Variants in CACNA1E observed in about 807,000 individuals in gnomAD.
The protein encoded by CACNA1E is voltage-dependent R-type calcium channel subunit alpha-1E.
A neutral mutation model predicts 259.2 loss-of-function variants in CACNA1E; 40 were observed. That is an observed-to-expected ratio of 0.15 (90% CI 0.12 to 0.20). The LOEUF (loss-of-function observed/expected upper bound fraction) is 0.20, where lower values mean the gene tolerates loss of function less well. Ranked by LOEUF, CACNA1E falls within the 10% of genes least tolerant of loss-of-function variation. The pLI is 1.00. For missense variants in CACNA1E, 1,874 were observed against 3,040.1 expected (o/e 0.62, Z 9.02); for synonymous variants, 1,104 against 1,138.5 (o/e 0.97, Z 0.61).
intron 27 of CACNA1E, among the ~76,000 whole-genome samples, chr1:181,754,089 C>T (rs1415551741): frequency 3.3e-5 from 5 of 152,226 alleles, no homozygotes; most frequent in African/African-American, 9.6e-5. Flanking sequence ...CGTGGCCAGG[C>T]TGCCTTGGGC....
At chr1:181,400,093 G>A (rs946353853) in intron 1 of CACNA1E, among the ~76,000 whole-genome samples, 2 of 152,164 alleles carry the variant, frequency 1.3e-5, no homozygotes, top group Non-Finnish European at 2.9e-5. Context: ...CTATATCTCA[G>A]TGTTCCCCCC....
At chr1:181,395,926 A>G (rs550234869) in intron 1 of CACNA1E, among the ~76,000 whole-genome samples, 13 of 152,378 alleles carry the variant, frequency 8.5e-5, no homozygotes, top group East Asian at 7.7e-4. Context: ...AGCTTAAAAC[A>G]ACAAAAATGT....
chr1:181,627,973 C>T (rs1656355231), intron 6 of CACNA1E, among the ~76,000 whole-genome samples: 1 of 152,006 alleles, frequency 6.6e-6, no homozygotes, highest in Non-Finnish European at 1.5e-5. Flanking sequence ...TTCTTTAATG[C>T]TGTAAGCTAG....
intron 1 of CACNA1E, among the ~76,000 whole-genome samples, chr1:181,354,321 C>T (rs756716563): frequency 4.6e-5 from 7 of 152,142 alleles, no homozygotes; most frequent in African/African-American, 7.2e-5. Context: ...GTAAAATCTA[C>T]AGCATGTTAG....
chr1:181,459,702 G>A (rs1661681424), intron 2 of CACNA1E, among the ~76,000 whole-genome samples: 1 of 152,176 alleles, frequency 6.6e-6, no homozygotes, highest in African/African-American at 2.4e-5. Context: ...TGCAGTGACT[G>A]ACCAACTCCA....
At chr1:181,782,827 T>C (rs905263542) in intron 39 of CACNA1E, among the ~76,000 whole-genome samples, 2 of 152,216 alleles carry the variant, frequency 1.3e-5, no homozygotes, top group African/African-American at 2.4e-5. Flanking sequence ...GGTGGTAGAA[T>C]GTGGCCTTGA....
At chr1:181,534,218 C>G (rs979151502) in intron 3 of CACNA1E, among the ~76,000 whole-genome samples, 3 of 152,024 alleles carry the variant, frequency 2.0e-5, no homozygotes, top group Non-Finnish European at 4.4e-5. Context: ...GATTGTTAAA[C>G]TAATGTCAAT....
rs1659574805 is a variant in CACNA1E, at chr1:181,772,161, A to G, written c.5069A>G (p.Glu1690Gly). Reference protein sequence around the residue: ...PDTTAPSGQNENERCGTDLAY... With the variant: ...PDTTAPSGQNGNERCGTDLAY... ...ACCACCGCACCATCAGGGCAGAACG[A>G]GAACGAACGCTGCGGCACCGATCTG... The change falls in exon 37 of 48, where the codon GAG becomes GGG. Residue 1690 changes from glutamate to glycine, a missense_variant. Transcript: ENST00000367573. The G allele has an allele frequency of 6.2e-7, 1 of 1,613,856 alleles. No individual in the cohort carries two copies.
intron 3 of CACNA1E, among the ~76,000 whole-genome samples, chr1:181,536,317 A>G (rs1471104312): frequency 6.6e-6 from 1 of 151,606 alleles, no homozygotes; most frequent in Non-Finnish European, 1.5e-5. Context: ...TATATTTTTC[A>G]TCTTTTTCTT....
intron 21 of CACNA1E, 40 bp from the exon 22 acceptor site, chr1:181,736,235 C>T: frequency 2.6e-6 from 4 of 1,548,162 alleles, no homozygotes; most frequent in Non-Finnish European, 3.5e-6. Context: ...TTTTCACATG[C>T]CTCATGATTT....
intron 1 of CACNA1E, among the ~76,000 whole-genome samples, chr1:181,372,830 T>TATATA (rs1426861536): frequency 8.1e-5 from 10 of 123,884 alleles, no homozygotes; most frequent in South Asian, 6.1e-4. Flanking sequence ...ATATATATAT[T>TATATA]TTTTTTTTAA....
intron 1 of CACNA1E, among the ~76,000 whole-genome samples, chr1:181,367,582 A>ATATATAATATACAACTATAATATAAT (rs1654374379): frequency 7.2e-6 from 1 of 139,536 alleles, no homozygotes; most frequent in African/African-American, 2.6e-5. Context: ...TAATACTATA[A>ATATATAATATACAACTATAATATAAT]TATATAATAT....
intron 6 of CACNA1E, among the ~76,000 whole-genome samples, chr1:181,621,893 G>A (rs1429231140): frequency 6.6e-6 from 1 of 152,148 alleles, no homozygotes; most frequent in Non-Finnish European, 1.5e-5. Context: ...TAGTTACTGA[G>A]CCAGCTTTGT....
chr1:181,614,004 T>A (rs1489354462), intron 6 of CACNA1E, among the ~76,000 whole-genome samples: 2 of 152,234 alleles, frequency 1.3e-5, no homozygotes, highest in African/African-American at 2.4e-5. Context: ...TTTAGATAAT[T>A]CACATTCCTT....
intron 1 of CACNA1E, among the ~76,000 whole-genome samples, chr1:181,346,288 T>C (rs529533941): frequency 2.6e-4 from 40 of 152,354 alleles, no homozygotes; most frequent in African/African-American, 9.1e-4. Flanking sequence ...CTCCAATACA[T>C]TTCTCTGCTG....
At chr1:181,386,321 G>C (rs1655845490) in intron 1 of CACNA1E, among the ~76,000 whole-genome samples, 2 of 152,160 alleles carry the variant, frequency 1.3e-5, no homozygotes, top group African/African-American at 2.4e-5. Context: ...GGCAGGGGAG[G>C]TGTTCCAGCT....
chr1:181,805,941 C>T lies in CACNA1E; in HGVS notation c.*7107C>T, dbSNP rs1243522416. 1 of 152,150 alleles carries T rather than the reference C, an allele frequency of 6.6e-6. No homozygotes were observed. Among genetic ancestry groups the T allele is most frequent in the Non-Finnish European group, 1.5e-5 (1 of 68,036 alleles). 9.4% of individuals were successfully genotyped at this position (152,150 alleles called of 1,614,324 possible). On this transcript the variant is annotated 3_prime_UTR_variant, in exon 48 of 48. Transcript: ENST00000367573. ...CGAGGACAGACTTAGAGATGTGTAA[C>T]CTTGGATCCTCTTTTTCACTTAGAA...
intron 30 of CACNA1E, 88 bp downstream of exon 30, chr1:181,757,214 T>C (rs1658161703): frequency 2.3e-6 from 2 of 853,656 alleles, no homozygotes; most frequent in South Asian, 3.0e-5. Context: ...GACTGCATTT[T>C]CTTAACTTGA....
At chr1:181,440,510 A>G (rs190483430) in intron 2 of CACNA1E, among the ~76,000 whole-genome samples, 3 of 152,060 alleles carry the variant, frequency 2.0e-5, no homozygotes, top group Non-Finnish European at 4.4e-5. Context: ...AACTCCCCCA[A>G]ATTTGGGGGA....
Sources: gnomAD v4.1 joint callset for allele counts (sites outside exome capture counted in the v4.1 genomes callset) on GRCh38, gnomAD v4.1.1 for gene constraint, MANE v1.5 for transcripts, NCBI Gene and HGNC (gene_info 2026-07-23, HGNC 2026-07-21) for gene names.